Variants in S100A7 observed in about 807,000 individuals in gnomAD.
S100A7 encodes the protein S100 calcium binding protein A7.
A neutral mutation model predicts 3.8 loss-of-function variants in S100A7; 2 were observed. That is an observed-to-expected ratio of 0.53 (90% CI 0.22 to 1.67). The LOEUF (loss-of-function observed/expected upper bound fraction) is 1.67, where lower values mean the gene tolerates loss of function less well. Ranked by LOEUF, S100A7 falls within the 40% of genes most tolerant of loss-of-function variation. The probability of loss-of-function intolerance (pLI) is 0.20; values close to 1 mark genes in which losing one functional copy is unlikely to be tolerated. For missense variants in S100A7, 130 were observed against 126.3 expected (o/e 1.03, Z -0.14); for synonymous variants, 55 against 45.9 (o/e 1.20, Z -0.80).
Position 153,460,465 on chromosome 1 carries a change from G to C in S100A7, c.-18+143C>G. On this transcript the variant is annotated intron_variant, in intron 1 of 2. Transcript: ENST00000368723. ...CGTGGGCTTTTGGGGTCAAGTGAAG[G>C]TCACACAGCCCAGCTAATGGCAGAG... 6.8e-6 allele frequency: 4 copies of C among 586,570 alleles called. No individual in the cohort carries two copies. In the Admixed American group the frequency reaches 7.7e-5, roughly 11 times the overall value. The allele number at this position is 586,570 out of a possible 1,614,324, so 36.3% of individuals were successfully genotyped here.
chr1:153,458,851 G>C, intron 2 of S100A7, 22 bp downstream of exon 2: 1 of 1,612,808 alleles, frequency 6.2e-7, no homozygotes, highest in Non-Finnish European at 8.5e-7. Context: ...CTCCAACATT[G>C]AGAAGCTAGA....
chr1:153,457,787 G>T lies in S100A7; in HGVS notation c.*19C>A. ...TTTATTGTTCCTGGGGTCTCTGGAGGCCCATTGGTGGGGCTGGGTCACTGG... is the reference window on the plus strand; with the variant it reads ...TTTATTGTTCCTGGGGTCTCTGGAGTCCCATTGGTGGGGCTGGGTCACTGG... On this transcript the variant is annotated 3_prime_UTR_variant, in exon 3 of 3. Transcript: ENST00000368723. The T allele has an allele frequency of 6.2e-7, 1 of 1,612,844 alleles. No homozygotes were observed. Among genetic ancestry groups the T allele is most frequent in the Non-Finnish European group, 8.5e-7 (1 of 1,179,200 alleles).
rs753292487 is a variant in S100A7, at chr1:153,459,019, C to T, written c.-6G>A. On this transcript the variant is annotated 5_prime_UTR_variant, in exon 2 of 3. Coordinates refer to ENST00000368723, the MANE Select transcript of S100A7 (RefSeq NM_002963.4). ...TCAGCTTGAGTGTTGCTCATCTTTG[C>T]TTTCAAAAAGCCTTCAGGAAATAAA... 5 of 1,610,806 alleles carry T rather than the reference C, an allele frequency of 3.1e-6. No homozygotes were observed. The highest frequency in any genetic ancestry group is 4.2e-6 in the Non-Finnish European group (5 of 1,178,824).
At chr1:153,458,794 T>A in intron 2 of S100A7, 79 bp downstream of exon 2, 1 of 1,515,754 alleles carries the variant, frequency 6.6e-7, no homozygotes, top group Non-Finnish European at 8.9e-7. Context: ...AATTTTTTAA[T>A]CAGAGGGTGA....
rs376379635 is a variant in S100A7 at position 153,457,869 on chromosome 1, G to T, written c.243C>A (p.Asp81Glu). Residue 81 changes from aspartate to glutamate, a missense_variant, in exon 3 of 3, where the codon GAC becomes GAA. Coordinates refer to ENST00000368723, the MANE Select transcript of S100A7 (RefSeq NM_002963.4). ...DFSEFLSLLG[D>E]IATDYHKQSH... ...TCTGCTTGTGGTAGTCTGTGGCTATGTCTCCCAGCAAGGACAGAAACTCAG... is the reference window on the plus strand; with the variant it reads ...TCTGCTTGTGGTAGTCTGTGGCTATTTCTCCCAGCAAGGACAGAAACTCAG... The T allele has an allele frequency of 9.3e-6, 15 of 1,614,032 alleles. No homozygotes were observed. The highest frequency in any genetic ancestry group is 1.2e-5 in the Non-Finnish European group (14 of 1,180,038).
rs777094796 is a variant in S100A7 at position 153,457,945 on chromosome 1, G to A, written c.167C>T (p.Ala56Val). The A allele has an allele frequency of 8.1e-6, 13 of 1,614,082 alleles. No individual in the cohort carries two copies. The highest frequency in any genetic ancestry group is 3.3e-5 in the South Asian group (3 of 91,068). ...ACDKKGTNYL[A>V]DVFEKKDKNE... is the part of the protein sequence containing the mutation. ...CTTGTCCTTTTTCTCAAAGACATCG[G>A]CGAGGTAATTTGTGCCCTTTTTGTC... Residue 56 changes from alanine (A) to valine (V), a missense_variant, in exon 3 of 3, where the codon GCC becomes GTC. Physicochemically the swap from Ala to Val is moderately conservative, Grantham distance 64. Transcript: ENST00000368723.
Position 153,458,065 on chromosome 1 carries a change from C to T in S100A7, c.142-95G>A, listed in dbSNP as rs1663731569. 5.8e-6 allele frequency: 8 copies of T among 1,388,658 alleles called. No homozygotes were observed. The South Asian group carries it at 6.5e-5, about 11-fold the overall frequency. The allele number at this position is 1,388,658 out of a possible 1,614,324, so 86.0% of individuals were successfully genotyped here. ...AGGAGGCAGAGATACAGACAAGTAC[C>T]TAGATCTGCACAGGCATGGTGGCGG... On this transcript the variant is annotated intron_variant, in intron 2 of 2. Coordinates refer to ENST00000368723, the MANE Select transcript of S100A7 (RefSeq NM_002963.4).
intron 1 of S100A7, 91 bp from the exon 2 acceptor site, chr1:153,459,121 A>AGG: frequency 4.1e-6 from 6 of 1,459,232 alleles, no homozygotes; most frequent in Non-Finnish European, 5.6e-6. Context: ...GGACAGAGTA[A>AGG]AAACACGGAT....
chr1:153,460,190 G>A (rs1269666643), intron 1 of S100A7, among the ~76,000 whole-genome samples: 1 of 152,218 alleles, frequency 6.6e-6, no homozygotes. Flanking sequence ...CTGTGTCGGG[G>A]TCCCAGGCCT....
intron 1 of S100A7, among the ~76,000 whole-genome samples, chr1:153,459,314 G>A (rs1027965035): frequency 2.0e-5 from 3 of 152,196 alleles, no homozygotes; most frequent in African/African-American, 7.2e-5. Context: ...GGAGAGTCGG[G>A]CGCCAGCAAC....
intron 1 of S100A7, chr1:153,459,888 A>C (rs970603761): frequency 6.6e-6 from 1 of 152,274 alleles, no homozygotes; most frequent in Non-Finnish European, 1.5e-5. Flanking sequence ...AAAATAGGAC[A>C]GTGCAGTTCT....
At chr1:153,460,353 C>G (rs1384932478) in intron 1 of S100A7, among the ~76,000 whole-genome samples, 2 of 152,174 alleles carry the variant, frequency 1.3e-5, no homozygotes, top group Admixed American at 6.5e-5. Context: ...GTGCTCAGGT[C>G]CCACTGGGGA....
Position 153,459,000 on chromosome 1 carries a change from T to C in S100A7, c.14A>G (p.Gln5Arg). Residue 5 changes from glutamine to arginine, a missense_variant, in exon 2 of 3, where the codon CAA becomes CGA. Physicochemically the swap from Gln to Arg is conservative, Grantham distance 43. Coordinates refer to ENST00000368723, the MANE Select transcript of S100A7 (RefSeq NM_002963.4). MSNT[Q>R]AERSIIGMID... Reference sequence around the variant, plus strand: ...CATGCCTATTATGGACCTCTCAGCTTGAGTGTTGCTCATCTTTGCTTTCAA... The same window carrying C: ...CATGCCTATTATGGACCTCTCAGCTCGAGTGTTGCTCATCTTTGCTTTCAA... The C allele has an allele frequency of 1.2e-6, 2 of 1,613,136 alleles. No homozygotes were observed. The highest frequency in any genetic ancestry group is 1.7e-6 in the Non-Finnish European group (2 of 1,179,760).
At chr1:153,459,451 T>C (rs1456187621) in intron 1 of S100A7, among the ~76,000 whole-genome samples, 1 of 152,210 alleles carries the variant, frequency 6.6e-6, no homozygotes, top group Admixed American at 6.5e-5. Context: ...GGCAGGACAA[T>C]GGCCTTGGTG....
intron 1 of S100A7, chr1:153,460,024 C>G (rs1357627560): frequency 1.3e-5 from 2 of 152,582 alleles, no homozygotes; most frequent in Non-Finnish European, 2.9e-5. Context: ...CTAAGAGGAG[C>G]CACCCAGAGC....
In S100A7 at chr1:153,459,345, G is replaced by A. The variant is rs192072450; in HGVS notation, c.-17-315C>T. Among the ~76,000 whole-genome samples, 34 of 152,264 alleles carry A rather than the reference G, an allele frequency of 2.2e-4. 1 individual carries two copies. The highest frequency in any genetic ancestry group is 4.3e-4 in the Non-Finnish European group (29 of 68,008). ...GCAACACATGGAAGAACTAAGCTGG[G>A]ACACCCCAGCCTCAGCCAGCACATG... On this transcript the variant is annotated intron_variant, in intron 1 of 2. Coordinates refer to ENST00000368723, the MANE Select transcript of S100A7 (RefSeq NM_002963.4).
intron 1 of S100A7, among the ~76,000 whole-genome samples, chr1:153,460,035 T>G (rs1283713836): frequency 2.6e-5 from 4 of 152,200 alleles, no homozygotes; most frequent in Non-Finnish European, 5.9e-5. Context: ...CACCCAGAGC[T>G]TTTTTGAATC....
chr1:153,458,884 G>A lies in S100A7; in HGVS notation c.130C>T (p.Leu44Phe), dbSNP rs1169301103. Reference sequence around the variant, plus strand: ...AGACACCGACTCACACAGGCACTAAGGAAGTTGGGGAAGTTCTCCTTCATC... The same window carrying A: ...AGACACCGACTCACACAGGCACTAAAGAAGTTGGGGAAGTTCTCCTTCATC... ...TMMKENFPNF[L>F]SACDKKGTNY... Residue 44 changes from leucine (L) to phenylalanine (F), a missense_variant, in exon 2 of 3, where the codon CTT (leucine) becomes TTT (phenylalanine). By Grantham distance (22) the Leu-to-Phe change is conservative. Coordinates refer to ENST00000368723, the MANE Select transcript of S100A7 (RefSeq NM_002963.4). 1 of 1,613,932 alleles carries A rather than the reference G, an allele frequency of 6.2e-7. No homozygotes were observed.
At position 153,458,936 on chromosome 1, in the gene S100A7, C is replaced by G. The variant is rs1355958620; in HGVS notation, c.78G>C (p.Lys26Asn). The change falls in exon 2 of 3, where the codon AAG becomes AAC. Residue 26 changes from lysine to asparagine, a missense_variant. Transcript: ENST00000368723. ...MFHKYTRRDD[K>N]IEKPSLLTMM... ...TCGTCAGCAGGCTTGGCTTCTCAAT[C>G]TTGTCATCACGTCTGGTGTATTTGT... The G allele has an allele frequency of 1.2e-6, 2 of 1,614,028 alleles. No individual in the cohort carries two copies. Among genetic ancestry groups the G allele is most frequent in the Non-Finnish European group, 1.7e-6 (2 of 1,179,936 alleles).
Sources: allele counts gnomAD v4.1 joint callset (sites outside exome capture counted in the v4.1 genomes callset), GRCh38; gene constraint gnomAD v4.1.1; transcripts MANE v1.5; gene names NCBI Gene and HGNC (gene_info 2026-07-23, HGNC 2026-07-21).